Variants in TSPAN5 observed in about 807,000 individuals in gnomAD.
The protein encoded by TSPAN5 is tetraspanin 5.
In TSPAN5, 10 loss-of-function variants were observed where a neutral mutation model predicts 37.1. That is an observed-to-expected ratio of 0.27 (90% CI 0.17 to 0.46). The LOEUF is 0.46. Ranked by LOEUF, TSPAN5 falls within the 20% of genes least tolerant of loss-of-function variation. The pLI is 1.00. For missense variants in TSPAN5, 195 were observed against 326.6 expected (o/e 0.60, Z 3.11); for synonymous variants, 110 against 118.9 (o/e 0.93, Z 0.48).
chr4:98,606,136 T>G (rs1019084304), intron 1 of TSPAN5, among the ~76,000 whole-genome samples: 1 of 152,218 alleles, frequency 6.6e-6, no homozygotes, highest in Non-Finnish European at 1.5e-5. Context: ...CAGACCACCC[T>G]AAACAAACTC....
At chr4:98,488,385 T>C (rs1753019367) in intron 2 of TSPAN5, among the ~76,000 whole-genome samples, 1 of 152,194 alleles carries the variant, frequency 6.6e-6, no homozygotes, top group Admixed American at 6.5e-5. Flanking sequence ...GGTGTCAACT[T>C]ACGAACAATA....
At chr4:98,490,660 A>C (rs1046079458) in intron 2 of TSPAN5, among the ~76,000 whole-genome samples, 4 of 152,388 alleles carry the variant, frequency 2.6e-5, no homozygotes, top group African/African-American at 9.6e-5. Context: ...CGTAGTTATC[A>C]GTTGAAAACT....
At chr4:98,613,346 T>G (rs960183555) in intron 1 of TSPAN5, among the ~76,000 whole-genome samples, 4 of 152,186 alleles carry the variant, frequency 2.6e-5, no homozygotes, top group Non-Finnish European at 5.9e-5. Flanking sequence ...TGCCTATGCT[T>G]TCTCTTATGG....
intron 1 of TSPAN5, among the ~76,000 whole-genome samples, chr4:98,513,838 GCTA>G (rs1753666759): frequency 6.6e-6 from 1 of 150,814 alleles, no homozygotes; most frequent in Non-Finnish European, 1.5e-5. Context: ...CAACACCCCT[GCTA>G]CTTTTATTCA....
chr4:98,528,826 A>G (rs1754018676), intron 1 of TSPAN5, among the ~76,000 whole-genome samples: 1 of 152,192 alleles, frequency 6.6e-6, no homozygotes, highest in Non-Finnish European at 1.5e-5. Flanking sequence ...GGCTAGCTAG[A>G]CCTGCCCACC....
intron 1 of TSPAN5, among the ~76,000 whole-genome samples, chr4:98,641,371 GC>G (rs1756960041): frequency 6.6e-6 from 1 of 152,134 alleles, no homozygotes; most frequent in South Asian, 2.1e-4. Context: ...TAATGCCTAT[GC>G]CATCAAGCTT....
chr4:98,605,937 T>C (rs1756030088), intron 1 of TSPAN5, among the ~76,000 whole-genome samples: 1 of 152,220 alleles, frequency 6.6e-6, no homozygotes, highest in South Asian at 2.1e-4. Flanking sequence ...ATCCAGCTTG[T>C]CCTTGTTACC....
intron 2 of TSPAN5, among the ~76,000 whole-genome samples, chr4:98,492,727 C>T (rs1167430378): frequency 6.6e-6 from 1 of 152,176 alleles, no homozygotes; most frequent in African/African-American, 2.4e-5. Flanking sequence ...CAGTCTCATT[C>T]ATGTTAACTC....
intron 1 of TSPAN5, among the ~76,000 whole-genome samples, chr4:98,558,543 T>G (rs781599252): frequency 6.6e-6 from 1 of 152,184 alleles, no homozygotes; most frequent in Admixed American, 6.5e-5. Context: ...TGGTGGCACT[T>G]GAAGAGATTG....
chr4:98,503,046 G>A (rs1159934820), intron 2 of TSPAN5, among the ~76,000 whole-genome samples: 1 of 151,980 alleles, frequency 6.6e-6, no homozygotes, highest in Non-Finnish European at 1.5e-5. Flanking sequence ...ATCAAGCTGG[G>A]CGGAATGGGG....
intron 2 of TSPAN5, among the ~76,000 whole-genome samples, chr4:98,491,211 G>A (rs1293290098): frequency 1.3e-5 from 2 of 152,058 alleles, no homozygotes; most frequent in African/African-American, 2.4e-5. Flanking sequence ...ACATCCACTC[G>A]GCATTTTTCA....
chr4:98,592,785 G>A (rs1032047685), intron 1 of TSPAN5, among the ~76,000 whole-genome samples: 1 of 151,060 alleles, frequency 6.6e-6, no homozygotes, highest in Admixed American at 6.6e-5. Flanking sequence ...TTTTATGGCT[G>A]CACAGTATTC....
chr4:98,522,152 C>T (rs13116201), intron 1 of TSPAN5, among the ~76,000 whole-genome samples: 1 of 151,996 alleles, frequency 6.6e-6, no homozygotes, highest in Admixed American at 6.5e-5. Context: ...TACACTTACA[C>T]GCTCCCGTGG....
At chr4:98,533,954 A>AAAAAAAAAAAAAAAAAAAAC (rs1754171142) in intron 1 of TSPAN5, among the ~76,000 whole-genome samples, 1 of 145,208 alleles carries the variant, frequency 6.9e-6, no homozygotes, top group East Asian at 2.0e-4. Flanking sequence ...AAAAAAAAAA[A>AAAAAAAAAAAAAAAAAAAAC]AAAAAAAACC....
At chr4:98,547,695 A>C (rs2110149845) in intron 1 of TSPAN5, among the ~76,000 whole-genome samples, 2 of 152,190 alleles carry the variant, frequency 1.3e-5, no homozygotes, top group Non-Finnish European at 2.9e-5. Flanking sequence ...TGAAAGCTAC[A>C]CATCCTTACT....
intron 2 of TSPAN5, among the ~76,000 whole-genome samples, chr4:98,492,928 A>G (rs1167602982): frequency 6.6e-6 from 1 of 152,186 alleles, no homozygotes; most frequent in Non-Finnish European, 1.5e-5. Flanking sequence ...GAAAAAAATC[A>G]ATACATTGGG....
intron 1 of TSPAN5, among the ~76,000 whole-genome samples, chr4:98,542,877 C>T (rs1432251508): frequency 6.6e-6 from 1 of 152,080 alleles, no homozygotes; most frequent in Non-Finnish European, 1.5e-5. Context: ...GTTCTAGGTC[C>T]ACCTTAAAAA....
chr4:98,476,559 T>C, intron 5 of TSPAN5, 99 bp from the exon 6 acceptor site: 2 of 1,116,798 alleles, frequency 1.8e-6, no homozygotes, highest in East Asian at 2.4e-5. Context: ...AGTAATAAAA[T>C]GTGTATCTGG....
chr4:98,614,552 C>T (rs960564229), intron 1 of TSPAN5, among the ~76,000 whole-genome samples: 1 of 152,142 alleles, frequency 6.6e-6, no homozygotes, highest in African/African-American at 2.4e-5. Flanking sequence ...TCAAGAGGGG[C>T]TTGAGCCACT....
Sources: gnomAD v4.1 joint callset for allele counts (sites outside exome capture counted in the v4.1 genomes callset) on GRCh38, gnomAD v4.1.1 for gene constraint, MANE v1.5 for transcripts, NCBI Gene and HGNC (gene_info 2026-07-23, HGNC 2026-07-21) for gene names.